The following IL1RL1 variants were observed in gnomAD, a reference collection of about 807,000 sequenced individuals.
IL1RL1 encodes the protein interleukin-1 receptor-like 1.
In IL1RL1, 32 loss-of-function variants were observed where a neutral mutation model predicts 50.9. That is an observed-to-expected ratio of 0.63 (90% CI 0.47 to 0.84). The LOEUF (loss-of-function observed/expected upper bound fraction) is 0.84. Ranked by LOEUF, IL1RL1 falls within the 40% of genes least tolerant of loss-of-function variation. The pLI is 0.00. For synonymous variants in IL1RL1, 275 were observed against 236.0 expected (o/e 1.17, Z -1.51); for missense variants, 773 against 662.9 (o/e 1.17, Z -1.82).
At chr2:102,345,603 A>G (rs547747308) in intron 8 of IL1RL1, 19 of 985,458 alleles carry the variant, frequency 1.9e-5, no homozygotes, top group Middle Eastern at 1.0e-3. Context: ...CGGGCCCCCA[A>G]TATGGTGTAA....
chr2:102,314,525 T>G (rs1335450542), intron 1 of IL1RL1, among the ~76,000 whole-genome samples: 1 of 152,204 alleles, frequency 6.6e-6, no homozygotes, highest in East Asian at 1.9e-4. Flanking sequence ...GTGGGTAGTC[T>G]TGAATTTCAA....
chr2:102,332,939 G>A (rs1677215544), intron 1 of IL1RL1, among the ~76,000 whole-genome samples: 1 of 152,122 alleles, frequency 6.6e-6, no homozygotes, highest in Non-Finnish European at 1.5e-5. Context: ...AGCTCTTGGA[G>A]GAGGTGGGTA....
Position 102,347,980 on chromosome 2 carries a change from T to G in IL1RL1, c.1006T>G (p.Cys336Gly). 1 of 1,557,402 alleles carries G rather than the reference T, an allele frequency of 6.4e-7. No homozygotes were observed. Among genetic ancestry groups the G allele is most frequent in the Non-Finnish European group, 8.9e-7 (1 of 1,128,260 alleles). The change falls in exon 9 of 11, where the codon TGT becomes GGT. Residue 336 changes from cysteine (C) to glycine (G), a missense_variant. By Grantham distance (159) the Cys-to-Gly change is radical. Transcript: ENST00000233954. ...HHSIYCIIAVCSVFLMLINVL... is the reference protein window; with the variant it reads ...HHSIYCIIAVGSVFLMLINVL... ...TAGCATCTACTGCATAATTGCAGTA[T>G]GTAGTGTATTTTTAATGCTAATCAA...
chr2:102,334,754 T>C (rs909122008), intron 1 of IL1RL1, among the ~76,000 whole-genome samples: 2 of 152,188 alleles, frequency 1.3e-5, no homozygotes, highest in African/African-American at 4.8e-5. Flanking sequence ...TGTTAGGACA[T>C]TTACATTTTA....
At chr2:102,318,422 C>A (rs1338894908) in intron 1 of IL1RL1, among the ~76,000 whole-genome samples, 1 of 148,336 alleles carries the variant, frequency 6.7e-6, no homozygotes, top group Non-Finnish European at 1.5e-5. Flanking sequence ...TGCCATCAAC[C>A]AAGATGAGAA....
intron 8 of IL1RL1, among the ~76,000 whole-genome samples, chr2:102,347,337 C>T (rs1187144760): frequency 1.3e-5 from 2 of 152,196 alleles, no homozygotes; most frequent in Admixed American, 1.3e-4. Flanking sequence ...TCAGATTAAT[C>T]TCTTGGGAAA....
chr2:102,312,157 G>A (rs72823628), intron 1 of IL1RL1, among the ~76,000 whole-genome samples: 21,258 of 129,512 alleles, frequency 0.16, 1,993 homozygotes, highest in African/African-American at 0.24. Flanking sequence ...CAATGACAGA[G>A]GGAAGACTTA....
At chr2:102,350,788 C>T (rs1184393213) in intron 10 of IL1RL1, among the ~76,000 whole-genome samples, 1 of 124,068 alleles carries the variant, frequency 8.1e-6, no homozygotes, top group Non-Finnish European at 1.7e-5. Flanking sequence ...CTGGGAGCAC[C>T]TCTTCTCAGC....
At chr2:102,341,871 T>A (rs1677578930) in intron 5 of IL1RL1, among the ~76,000 whole-genome samples, 1 of 152,218 alleles carries the variant, frequency 6.6e-6, no homozygotes, top group Non-Finnish European at 1.5e-5. Flanking sequence ...TCTTTTGAAA[T>A]CTTCTCTGTA....
At chr2:102,329,479 G>T (rs1410441909) in intron 1 of IL1RL1, among the ~76,000 whole-genome samples, 1 of 152,060 alleles carries the variant, frequency 6.6e-6, no homozygotes, top group East Asian at 1.9e-4. Context: ...AAAAGACAAA[G>T]TTGACAAATG....
chr2:102,337,105 T>C (rs1330286173), intron 1 of IL1RL1: 1 of 152,242 alleles, frequency 6.6e-6, no homozygotes, highest in African/African-American at 2.4e-5. Context: ...CTCAATGTTG[T>C]TTTTATGTTT....
At chr2:102,321,550 G>T (rs1249852848) in intron 1 of IL1RL1, among the ~76,000 whole-genome samples, 1 of 152,172 alleles carries the variant, frequency 6.6e-6, no homozygotes, top group Non-Finnish European at 1.5e-5. Context: ...TACCACTGAT[G>T]AGTCAATAGC....
intron 1 of IL1RL1, among the ~76,000 whole-genome samples, chr2:102,332,323 T>C (rs986406054): frequency 2.6e-5 from 4 of 152,164 alleles, no homozygotes; most frequent in Admixed American, 6.5e-5. Flanking sequence ...CAATTCAAAA[T>C]TGATTGGTCA....
chr2:102,341,301 TGTC>T, intron 5 of IL1RL1: 6 of 1,248,384 alleles, frequency 4.8e-6, no homozygotes, highest in Non-Finnish European at 6.2e-6. Context: ...ACATAAATGT[TGTC>T]GAGTGGTTTT....
intron 10 of IL1RL1, 64 bp from the exon 11 acceptor site, chr2:102,351,472 T>G: frequency 7.2e-7 from 1 of 1,393,498 alleles, no homozygotes; most frequent in South Asian, 1.3e-5. Context: ...TTTTAAATGT[T>G]CAGGATGTTT....
rs1471523881 is a variant in IL1RL1 at position 102,348,044 on chromosome 2, C to A, written c.1070C>A (p.Ala357Asp). The change falls in exon 9 of 11, where the codon GCC (alanine) becomes GAC (aspartate). Residue 357 changes from alanine to aspartate, a missense_variant. By Grantham distance (126) the Ala-to-Asp change is moderately radical (BLOSUM62 -2). Coordinates refer to ENST00000233954, the MANE Select transcript of IL1RL1 (RefSeq NM_016232.5). Reference sequence around the variant, plus strand: ...ATCCTAAAAATGTTCTGGATTGAGGCCACTCTGCTCTGGAGAGACATAGCT... The same window carrying A: ...ATCCTAAAAATGTTCTGGATTGAGGACACTCTGCTCTGGAGAGACATAGCT... Reference protein sequence around the residue: ...VIILKMFWIEATLLWRDIAKP... With the variant: ...VIILKMFWIEDTLLWRDIAKP... The A allele has an allele frequency of 6.2e-7, 1 of 1,612,204 alleles. No homozygotes were observed. The highest frequency in any genetic ancestry group is 1.7e-5 in the Admixed American group (1 of 60,008).
intron 1 of IL1RL1, chr2:102,313,073 A>G (rs1219154753): frequency 6.6e-6 from 1 of 152,062 alleles, no homozygotes; most frequent in Non-Finnish European, 1.5e-5. Flanking sequence ...GCTCTGGACT[A>G]ATGCAGATCT....
intron 8 of IL1RL1, chr2:102,343,640 T>C: frequency 7.0e-7 from 1 of 1,426,008 alleles, no homozygotes; most frequent in Non-Finnish European, 9.1e-7. Context: ...CACTCCCTCC[T>C]ATCGTTGGTT....
intron 6 of IL1RL1, among the ~76,000 whole-genome samples, chr2:102,342,753 AAT>A (rs1432060464): frequency 6.6e-6 from 1 of 152,112 alleles, no homozygotes; most frequent in Non-Finnish European, 1.5e-5. Context: ...AATCCTTTGT[AAT>A]GTGGGGTTGG....
Sources: gnomAD v4.1 joint callset for allele counts (sites outside exome capture counted in the v4.1 genomes callset) on GRCh38, gnomAD v4.1.1 for gene constraint, MANE v1.5 for transcripts, NCBI Gene and HGNC (gene_info 2026-07-23, HGNC 2026-07-21) for gene names.